MSH5: variants seen among roughly 807,000 people sequenced by gnomAD.
MSH5 encodes mutS homolog 5.
MSH5 carries 78 observed loss-of-function variants against 107.7 expected under a neutral mutation model. The ratio of observed to expected loss-of-function variants is 0.72; its 90% CI spans 0.60 to 0.87. The LOEUF (loss-of-function observed/expected upper bound fraction) is 0.87. MSH5 is among the 40% of genes least tolerant of loss of function. MSH5 has a pLI of 0.00. For synonymous variants in MSH5, 326 were observed against 399.5 expected, an observed-to-expected ratio of 0.82 and a Z score of 2.19; for missense variants, 889 against 1,046.6, an observed-to-expected ratio of 0.85 and a Z score of 2.08.
At chr6:31,748,099 A>G (rs1185269206) in intron 10 of MSH5, among the ~76,000 whole-genome samples, 1 of 152,104 alleles carries the variant, frequency 6.6e-6, no homozygotes, top group Admixed American at 6.5e-5. Context: ...ATGACTCTCA[A>G]ATTTGTGTCT....
At position 31,758,900 on chromosome 6, in the gene MSH5, C is replaced by A. The variant is rs1194797462; in HGVS notation, c.1326+25C>A. 3 of 1,582,976 alleles carry A rather than the reference C, an allele frequency of 1.9e-6. 1 individual carries two copies. In the African/African-American group the frequency reaches 4.0e-5, roughly 21 times the overall value. On this transcript the variant is annotated intron_variant, in intron 15 of 24. Transcript: ENST00000375750. The surrounding 1 kb of genome is among the most constrained non-coding windows in gnomAD (Gnocchi z 5.1). ...GGTGAGGGCAGGAGAGTGGGTGTAG[C>A]CTTCAGATGTCTTTTGGGGGAGATA...
intron 11 of MSH5, 30 bp downstream of exon 11, chr6:31,753,469 G>A: frequency 1.2e-6 from 2 of 1,612,322 alleles, no homozygotes; most frequent in Non-Finnish European, 1.7e-6. Flanking sequence ...CAGGGAGGTG[G>A]GGAAGGAGGT....
chr6:31,760,153 C>G lies in MSH5; in HGVS notation c.1749C>G (p.Asp583Glu). ...FVPNSTECGG[D>E]KGRVKVITGP... ...CCAACTCCACAGAATGTGGTGGGGA[C>G]AAAGGGAGGGTCAAAGTCATCACTG... The change falls in exon 19 of 25, where the codon GAC becomes GAG. Residue 583 changes from aspartate (D) to glutamate (E), a missense_variant. Around this residue, in one of 3 missense-constraint regions of MSH5, gnomAD observed 362 missense variants for 456.2 expected, o/e 0.79. Transcript: ENST00000375750. The surrounding 1 kb of genome is among the most constrained non-coding windows in gnomAD (Gnocchi z 5.6). 1 of 1,611,760 alleles carries G rather than the reference C, an allele frequency of 6.2e-7. No individual in the cohort carries two copies. Among genetic ancestry groups the G allele is most frequent in the Non-Finnish European group, 8.5e-7 (1 of 1,178,898 alleles).
At position 31,760,953 on chromosome 6, in the gene MSH5, G is replaced by A. The variant is rs563249151; in HGVS notation, c.1962+114G>A. The A allele has an allele frequency of 1.3e-5, 17 of 1,276,234 alleles. No homozygotes were observed. In the African/African-American group the frequency reaches 2.4e-4, roughly 18 times the overall value. The allele number at this position is 1,276,234 out of a possible 1,614,324, so 79.1% of individuals were successfully genotyped here. A position where few individuals can be genotyped will look rare whatever the true frequency, so the allele number is the denominator to read the frequency against. Reference sequence around the variant, plus strand: ...CTGCTGCATGCCCTTTATACTAAAAGTGGGGAGCACTAAGGTCAGAGATAA... The same window carrying A: ...CTGCTGCATGCCCTTTATACTAAAAATGGGGAGCACTAAGGTCAGAGATAA... On this transcript the variant is annotated intron_variant, in intron 20 of 24. Coordinates refer to ENST00000375750, the MANE Select transcript of MSH5 (RefSeq NM_172166.4). This position sits in a 1 kb window ranked among gnomAD's most constrained non-coding sequence, Gnocchi z 5.6.
rs773892161 is a variant in MSH5, at chr6:31,743,079, A to G, written c.353-29A>G. ...AGGTAGAAGGACTGAGATGTAAAGA[A>G]TGATAGCCTTTTCTTTCCTCCCCCA... On this transcript the variant is annotated intron_variant, in intron 4 of 24. Transcript: ENST00000375750. 3.1e-6 allele frequency: 5 copies of G among 1,612,754 alleles called. 1 individual carries two copies. The South Asian group carries it at 5.5e-5, about 18-fold the overall frequency.
chr6:31,753,655 A>G (rs1407751326), intron 12 of MSH5, 26 bp downstream of exon 12: 2 of 1,612,358 alleles, frequency 1.2e-6, no homozygotes, highest in Non-Finnish European at 1.7e-6. Context: ...TTGAATCCCA[A>G]AAGTCCAGGT....
chr6:31,759,953 G>A lies in MSH5; in HGVS notation c.1663G>A (p.Gly555Arg), dbSNP rs1376133619. 2.0e-5 allele frequency: 33 copies of A among 1,614,086 alleles called. No individual in the cohort carries two copies. The highest frequency in any genetic ancestry group is 2.7e-5 in the Non-Finnish European group (32 of 1,180,036). ...SRPRYSPQVL[G>R]VRIQNGRHPL... Reference sequence around the variant, plus strand: ...GCCGCGTTACTCCCCACAAGTCCTTGGGGTACGAATCCAGAATGGCAGGTA... The same window carrying A: ...GCCGCGTTACTCCCCACAAGTCCTTAGGGTACGAATCCAGAATGGCAGGTA... The change falls in exon 18 of 25, where the codon GGG (glycine) becomes AGG (arginine). Residue 555 changes from glycine (G) to arginine (R), a missense_variant. Physicochemically the swap from Gly to Arg is moderately radical, Grantham distance 125. Coordinates refer to ENST00000375750, the MANE Select transcript of MSH5 (RefSeq NM_172166.4). The surrounding 1 kb of genome is among the most constrained non-coding windows in gnomAD (Gnocchi z 4.7).
chr6:31,748,002 CAA>C lies in MSH5; in HGVS notation c.812+584_812+585del, dbSNP rs9279406. 6.9e-3 allele frequency among the ~76,000 whole-genome samples: 970 copies of C among 141,266 alleles called. 23 individuals are homozygous for C. The South Asian group carries it at 0.078, about 11-fold the overall frequency. The allele number at this position is 141,266 out of a possible 152,430, so 92.7% of individuals were successfully genotyped here. On this transcript the variant is annotated intron_variant, in intron 10 of 24. Transcript: ENST00000375750. The stretch of plus-strand genomic sequence containing the variant: ...TGGGCAACAGAGTGAGACTCCGTCT[CAA>C]AAAAAAAAAAAAATGCTAATGTAAC...
In MSH5 at chr6:31,759,580, G is replaced by C; in HGVS notation, c.1495+68G>C. ...AAAAAGCAGCAGCCAGGGGAAGGAG[G>C]GGAGTGGGCAACTTGGGGATGCTTC... On this transcript the variant is annotated intron_variant, in intron 17 of 24. Coordinates refer to ENST00000375750, the MANE Select transcript of MSH5 (RefSeq NM_172166.4). This position sits in a 1 kb window ranked among gnomAD's most constrained non-coding sequence, Gnocchi z 4.7. The C allele has an allele frequency of 6.5e-7, 1 of 1,549,884 alleles. No individual in the cohort carries two copies. Among genetic ancestry groups the C allele is most frequent in the Non-Finnish European group, 8.9e-7 (1 of 1,129,500 alleles).
Position 31,759,778 on chromosome 6 carries a change from A to C in MSH5, c.1496-8A>C. 1 of 1,611,076 alleles carries C rather than the reference A, an allele frequency of 6.2e-7. No homozygotes were observed. Among genetic ancestry groups the C allele is most frequent in the Non-Finnish European group, 8.5e-7 (1 of 1,179,556 alleles). ...TGACCTCCAGCTCCCTTCCTCACCCACTCCCAGACCAGGAGACGCTGCTGA... is the reference window on the plus strand; with the variant it reads ...TGACCTCCAGCTCCCTTCCTCACCCCCTCCCAGACCAGGAGACGCTGCTGA... On this transcript the variant is annotated splice_polypyrimidine_tract_variant and splice_region_variant and intron_variant, in intron 17 of 24. Transcript: ENST00000375750. This position sits in a 1 kb window ranked among gnomAD's most constrained non-coding sequence, Gnocchi z 4.7.
At position 31,758,428 on chromosome 6, in the gene MSH5, C is replaced by A; in HGVS notation, c.1144-120C>A. ...ATGGTGGGAGGAGGCAGCAGAACTT[C>A]AGGGAAGTATCTGGAGGGTGAGAGT... is the stretch of plus-strand genomic sequence containing the variant. On this transcript the variant is annotated intron_variant, in intron 13 of 24. Transcript: ENST00000375750. The surrounding 1 kb of genome is among the most constrained non-coding windows in gnomAD (Gnocchi z 5.1). The A allele has an allele frequency of 6.5e-7, 1 of 1,550,338 alleles. No individual in the cohort carries two copies. Among genetic ancestry groups the A allele is most frequent in the South Asian group, 1.1e-5 (1 of 87,980 alleles).
chr6:31,752,396 A>C (rs966977886), intron 10 of MSH5, among the ~76,000 whole-genome samples: 1 of 149,758 alleles, frequency 6.7e-6, no homozygotes, highest in African/African-American at 2.5e-5. Context: ...ACAGAGCAAG[A>C]CTCTATATAA....
chr6:31,743,788 C>T, intron 5 of MSH5, 116 bp from the exon 6 acceptor site: 3 of 1,440,480 alleles, frequency 2.1e-6, no homozygotes, highest in South Asian at 1.4e-5. Context: ...CCATTAACTG[C>T]CTGTGTGAGC....
At position 31,760,061 on chromosome 6, in the gene MSH5, C is replaced by G; in HGVS notation, c.1686-29C>G. ...GGTTCATCTATCTTGATCCACAAGCCATGCGAGGTGCCTCTCCGCCCACTG... is the reference window on the plus strand; with the variant it reads ...GGTTCATCTATCTTGATCCACAAGCGATGCGAGGTGCCTCTCCGCCCACTG... On this transcript the variant is annotated intron_variant, in intron 18 of 24. Transcript: ENST00000375750. The surrounding 1 kb of genome is among the most constrained non-coding windows in gnomAD (Gnocchi z 5.6). 1 of 1,603,506 alleles carries G rather than the reference C, an allele frequency of 6.2e-7. No homozygotes were observed. The highest frequency in any genetic ancestry group is 8.5e-7 in the Non-Finnish European group (1 of 1,173,480).
chr6:31,740,097 G>A lies in MSH5; in HGVS notation c.-14+35G>A. ...AAGGCGGGAAAACGCTGCGATGGCGGCAGCTGGGGGAGGAGGAAGATAAGC... is the reference window on the plus strand; with the variant it reads ...AAGGCGGGAAAACGCTGCGATGGCGACAGCTGGGGGAGGAGGAAGATAAGC... On this transcript the variant is annotated intron_variant, in intron 1 of 24. Coordinates refer to ENST00000375750, the MANE Select transcript of MSH5 (RefSeq NM_172166.4). The surrounding 1 kb of genome is among the most constrained non-coding windows in gnomAD (Gnocchi z 4.4). 5.3e-6 allele frequency: 1 copy of A among 188,556 alleles called. No individual in the cohort carries two copies. Among genetic ancestry groups the A allele is most frequent in the Non-Finnish European group, 1.1e-5 (1 of 92,308 alleles). The allele number at this position is 188,556 out of a possible 1,614,324, so 11.7% of individuals were successfully genotyped here.
At chr6:31,753,177 C>T in intron 10 of MSH5, 124 bp from the exon 11 acceptor site, 1 of 1,230,344 alleles carries the variant, frequency 8.1e-7, no homozygotes, top group Non-Finnish European at 1.1e-6. Flanking sequence ...CCACTACATT[C>T]CCATAGCACA....
rs1347323946 is a variant in MSH5, at chr6:31,753,392, A to C, written c.904A>C (p.Met302Leu). The change falls in exon 11 of 25, where the codon ATG (methionine) becomes CTG (leucine). Residue 302 changes from methionine (M) to leucine (L), a missense_variant. Met to Leu is a conservative substitution (Grantham distance 15). Coordinates refer to ENST00000375750, the MANE Select transcript of MSH5 (RefSeq NM_172166.4). ...QFFLLPQNLD[M>L]AQMLHRLLGH... is the part of the protein sequence containing the mutation. ...TTTTCTGCTGCCCCAGAATCTGGAC[A>C]TGGCTCAGATGCTGCATCGGCTCCT... 1 of 1,614,040 alleles carries C rather than the reference A, an allele frequency of 6.2e-7. No homozygotes were observed. The highest frequency in any genetic ancestry group is 8.5e-7 in the Non-Finnish European group (1 of 1,180,044).
In MSH5 at chr6:31,758,901, C is replaced by A; in HGVS notation, c.1326+26C>A. On this transcript the variant is annotated intron_variant, in intron 15 of 24. Coordinates refer to ENST00000375750, the MANE Select transcript of MSH5 (RefSeq NM_172166.4). The surrounding 1 kb of genome is among the most constrained non-coding windows in gnomAD (Gnocchi z 5.1). ...GTGAGGGCAGGAGAGTGGGTGTAGC[C>A]TTCAGATGTCTTTTGGGGGAGATAT... The A allele has an allele frequency of 6.3e-7, 1 of 1,581,870 alleles. No individual in the cohort carries two copies. The highest frequency in any genetic ancestry group is 8.7e-7 in the Non-Finnish European group (1 of 1,150,960).
chr6:31,749,226 T>C (rs1321092844), intron 10 of MSH5, among the ~76,000 whole-genome samples: 2 of 152,092 alleles, frequency 1.3e-5, no homozygotes, highest in Non-Finnish European at 2.9e-5. Context: ...GAAAGTCTTT[T>C]CCTTGTTCTG....
Sources: allele counts gnomAD v4.1 joint callset (sites outside exome capture counted in the v4.1 genomes callset), GRCh38; gene constraint gnomAD v4.1.1; regional missense constraint gnomAD v4.1.1; non-coding constraint Gnocchi (gnomAD v3.1); transcripts MANE v1.5; gene names NCBI Gene and HGNC (gene_info 2026-07-23, HGNC 2026-07-21).